The following RIN2 variants were observed in gnomAD, a reference collection of about 807,000 sequenced individuals.
RIN2 encodes the protein RAB5 interacting protein 2.
In RIN2, 36 loss-of-function variants were observed where a neutral mutation model predicts 78.0. The ratio of observed to expected loss-of-function variants is 0.46; its 90% CI spans 0.35 to 0.61. The LOEUF is 0.61. RIN2 is among the 20% of genes least tolerant of loss of function. The pLI is 0.00. For synonymous variants in RIN2, 466 were observed against 466.8 expected, an observed-to-expected ratio of 1.00 and a Z score of 0.02; for missense variants, 1,087 against 1,159.7, an observed-to-expected ratio of 0.94 and a Z score of 0.91.
rs11461198 is a variant in RIN2, at chr20:19,971,185, A to AT, written c.628+268dup. On this transcript the variant is annotated intron_variant, in intron 8 of 12. Transcript: ENST00000255006. The stretch of plus-strand genomic sequence containing the variant: ...CAGTGTAGTGCATCTCGCGTGCATG[A>AT]TTTTTTTTTTTTGAGGGGCACACGG... Among the ~76,000 whole-genome samples, 60,946 of 148,452 alleles carry AT rather than the reference A, an allele frequency of 0.41. 13,613 individuals are homozygous for AT. The highest frequency in any genetic ancestry group is 0.62 in the African/African-American group (25,053 of 40,620).
intron 2 of RIN2, among the ~76,000 whole-genome samples, chr20:19,879,968 C>T (rs986336810): frequency 5.9e-5 from 9 of 152,032 alleles, no homozygotes; most frequent in African/African-American, 1.9e-4. Flanking sequence ...GTATTTTTTT[C>T]CAGACCGGTT....
chr20:19,950,363 A>C (rs916247930), intron 4 of RIN2, among the ~76,000 whole-genome samples: 1 of 152,202 alleles, frequency 6.6e-6, no homozygotes, highest in Non-Finnish European at 1.5e-5. Context: ...TGGCTGCACA[A>C]ATAAATGAGT....
chr20:19,925,671 A>G (rs1160775787), intron 3 of RIN2, among the ~76,000 whole-genome samples: 2 of 152,258 alleles, frequency 1.3e-5, no homozygotes, highest in South Asian at 2.1e-4. Flanking sequence ...TAATCAGGGC[A>G]AAGCAAATGA....
At chr20:19,767,328 C>T (rs1210525049) in intron 1 of RIN2, among the ~76,000 whole-genome samples, 1 of 152,136 alleles carries the variant, frequency 6.6e-6, no homozygotes, top group Non-Finnish European at 1.5e-5. Flanking sequence ...CCGGAATGCT[C>T]TTATGACCTA....
chr20:19,943,107 G>A (rs1174999529), intron 4 of RIN2, among the ~76,000 whole-genome samples: 1 of 152,220 alleles, frequency 6.6e-6, no homozygotes, highest in Non-Finnish European at 1.5e-5. Context: ...GACCAAGACT[G>A]GAGCCCGCCT....
intron 3 of RIN2, among the ~76,000 whole-genome samples, chr20:19,928,985 G>T (rs1392221769): frequency 6.6e-6 from 1 of 152,210 alleles, no homozygotes; most frequent in Non-Finnish European, 1.5e-5. Flanking sequence ...TATCCCTTGG[G>T]TTGGGGTCTT....
At chr20:19,822,994 A>G (rs2035973674) in intron 2 of RIN2, among the ~76,000 whole-genome samples, 1 of 152,250 alleles carries the variant, frequency 6.6e-6, no homozygotes, top group Non-Finnish European at 1.5e-5. Context: ...TAGAATAGCT[A>G]GCATTTATTA....
chr20:19,859,475 C>T (rs1325954599), intron 2 of RIN2, among the ~76,000 whole-genome samples: 1 of 152,202 alleles, frequency 6.6e-6, no homozygotes, highest in Non-Finnish European at 1.5e-5. Flanking sequence ...TTCTTTGGCT[C>T]TTCCTTCTGG....
At chr20:19,994,043 C>G (rs73901376) in intron 11 of RIN2, among the ~76,000 whole-genome samples, 8,776 of 152,256 alleles carry the variant, frequency 0.058, 892 homozygotes, top group African/African-American at 0.2. Context: ...CAGATTGGCC[C>G]AGGGCAAGGC....
At chr20:19,929,702 A>G (rs2040366967) in intron 3 of RIN2, among the ~76,000 whole-genome samples, 2 of 152,178 alleles carry the variant, frequency 1.3e-5, no homozygotes, top group South Asian at 4.1e-4. Flanking sequence ...GGGAAAGCTG[A>G]CATTAAAACT....
intron 2 of RIN2, among the ~76,000 whole-genome samples, chr20:19,866,636 T>G (rs1180181133): frequency 6.6e-6 from 1 of 152,150 alleles, no homozygotes; most frequent in Admixed American, 6.5e-5. Flanking sequence ...TTTATTTTAT[T>G]TATTTTGAGA....
intron 2 of RIN2, among the ~76,000 whole-genome samples, chr20:19,852,608 T>G (rs1264590971): frequency 6.6e-6 from 1 of 152,176 alleles, no homozygotes; most frequent in East Asian, 1.9e-4. Context: ...GCCAAAGGGA[T>G]AGTGGGCAGG....
intron 1 of RIN2, among the ~76,000 whole-genome samples, chr20:19,764,038 A>G (rs1035170918): frequency 4.6e-5 from 7 of 152,212 alleles, no homozygotes; most frequent in Middle Eastern, 3.2e-3. Context: ...CAAAAATCAG[A>G]TTTGGAAACA....
At chr20:19,881,287 G>A (rs986180729) in intron 2 of RIN2, among the ~76,000 whole-genome samples, 13 of 152,236 alleles carry the variant, frequency 8.5e-5, no homozygotes, top group African/African-American at 3.1e-4. Context: ...CACAAAATAG[G>A]CAAATGCTAA....
At chr20:19,891,273 A>C (rs1050194726) in intron 3 of RIN2, among the ~76,000 whole-genome samples, 2 of 152,198 alleles carry the variant, frequency 1.3e-5, no homozygotes, top group African/African-American at 4.8e-5. Flanking sequence ...GAGCTCCTCA[A>C]GTCCTCTGTA....
chr20:19,816,154 T>C (rs950982604), intron 2 of RIN2, among the ~76,000 whole-genome samples: 1 of 152,216 alleles, frequency 6.6e-6, no homozygotes, highest in African/African-American at 2.4e-5. Flanking sequence ...TTTATCTAAC[T>C]TCCTTGAGTC....
At chr20:19,784,172 A>G (rs16981118) in intron 1 of RIN2, among the ~76,000 whole-genome samples, 1 of 152,214 alleles carries the variant, frequency 6.6e-6, no homozygotes, top group Admixed American at 6.5e-5. Flanking sequence ...CTGTAGTTTT[A>G]TTCAGGACAG....
At chr20:19,890,699 A>AAAAAC in intron 3 of RIN2, among the ~76,000 whole-genome samples, 2 of 151,124 alleles carry the variant, frequency 1.3e-5, no homozygotes, top group African/African-American at 4.9e-5. Context: ...AAAAAAAAAA[A>AAAAAC]AAAACCATCA....
chr20:19,948,802 T>TTTTA (rs1277726699), intron 4 of RIN2, among the ~76,000 whole-genome samples: 2 of 152,098 alleles, frequency 1.3e-5, no homozygotes, highest in African/African-American at 2.4e-5. Context: ...TTAATTTTAA[T>TTTTA]TTTATTTATT....
Sources: allele counts gnomAD v4.1 joint callset (sites outside exome capture counted in the v4.1 genomes callset), GRCh38; gene constraint gnomAD v4.1.1; transcripts MANE v1.5; gene names NCBI Gene and HGNC (gene_info 2026-07-23, HGNC 2026-07-21).